The following SLC7A5 variants were observed in gnomAD, a reference collection of about 807,000 sequenced individuals.
The protein encoded by SLC7A5 is solute carrier family 7 member 5.
In SLC7A5, 23 loss-of-function variants were observed where a neutral mutation model predicts 50.2. The observed-to-expected ratio is 0.46, with a 90% confidence interval of 0.33 to 0.65. The LOEUF is 0.65. SLC7A5 is among the 30% of genes least tolerant of loss of function. SLC7A5 has a pLI of 0.02. For synonymous variants in SLC7A5, 393 were observed against 330.6 expected (o/e 1.19, Z -2.05); for missense variants, 578 against 684.4 (o/e 0.84, Z 1.73).
rs1597517546 is a variant in SLC7A5 at position 87,861,891 on chromosome 16, C to G, written c.538+6994G>C. Among the ~76,000 whole-genome samples, 1 of 152,226 alleles carries G rather than the reference C, an allele frequency of 6.6e-6. No individual in the cohort carries two copies. Among genetic ancestry groups the G allele is most frequent in the African/African-American group, 2.4e-5 (1 of 41,438 alleles). On this transcript the variant is annotated intron_variant, in intron 1 of 9. Coordinates refer to ENST00000261622, the MANE Select transcript of SLC7A5 (RefSeq NM_003486.7). The surrounding 1 kb of genome is among the most constrained non-coding windows in gnomAD (Gnocchi z 4.2). Reference sequence around the variant, plus strand: ...GCAGCGTGACCTGCCTAGGTGCCGGCGGCACTTTCATGTGCGGCTGGGAAA... The same window carrying G: ...GCAGCGTGACCTGCCTAGGTGCCGGGGGCACTTTCATGTGCGGCTGGGAAA...
In SLC7A5 at chr16:87,862,501, T is replaced by C. The variant is rs1256294237; in HGVS notation, c.538+6384A>G. ...TGCCGAGCGTGGGTGGGTGACATCATCTCGCACCCAGAGCTCCAGACTAAA... is the reference window on the plus strand; with the variant it reads ...TGCCGAGCGTGGGTGGGTGACATCACCTCGCACCCAGAGCTCCAGACTAAA... On this transcript the variant is annotated intron_variant, in intron 1 of 9. Coordinates refer to ENST00000261622, the MANE Select transcript of SLC7A5 (RefSeq NM_003486.7). This position sits in a 1 kb window ranked among gnomAD's most constrained non-coding sequence, Gnocchi z 5.3. Among the ~76,000 whole-genome samples, 2 of 152,222 alleles carry C rather than the reference T, an allele frequency of 1.3e-5. No homozygotes were observed. Among genetic ancestry groups the C allele is most frequent in the African/African-American group, 2.4e-5 (1 of 41,456 alleles).
chr16:87,843,187 A>T (rs2055103533), intron 2 of SLC7A5, among the ~76,000 whole-genome samples: 1 of 151,996 alleles, frequency 6.6e-6, no homozygotes, highest in Non-Finnish European at 1.5e-5. Context: ...TCCCCGCCAG[A>T]CACATCAATC....
intron 1 of SLC7A5, among the ~76,000 whole-genome samples, chr16:87,863,142 C>T (rs2055419856): frequency 6.6e-6 from 1 of 152,206 alleles, no homozygotes; most frequent in Non-Finnish European, 1.5e-5. Context: ...AACACCTATG[C>T]GCTTGGAGAA....
chr16:87,842,569 C>T (rs55694638), intron 2 of SLC7A5, among the ~76,000 whole-genome samples: 39,528 of 152,206 alleles, frequency 0.26, 6,228 homozygotes, highest in East Asian at 0.66. Flanking sequence ...TTTGCACCTG[C>T]TTCCCCGTGG....
intron 2 of SLC7A5, among the ~76,000 whole-genome samples, chr16:87,847,085 T>A (rs1484968161): frequency 1.3e-5 from 2 of 152,162 alleles, no homozygotes; most frequent in Non-Finnish European, 2.9e-5. Context: ...TGGGCTGAGC[T>A]CTGCTGGGAG....
intron 1 of SLC7A5, among the ~76,000 whole-genome samples, chr16:87,864,005 A>ATATATATATATATATATATATATATC (rs1287031017): frequency 7.0e-6 from 1 of 142,642 alleles, no homozygotes; most frequent in Non-Finnish European, 1.5e-5. Flanking sequence ...ATATATATAT[A>ATATATATATATATATATATATATATC]TATCAGCCGA....
intron 1 of SLC7A5, 76 bp from the exon 2 acceptor site, chr16:87,851,925 C>T: frequency 6.4e-7 from 1 of 1,560,436 alleles, no homozygotes; most frequent in Non-Finnish European, 8.8e-7. Flanking sequence ...GAGGTGACGA[C>T]CCCACCCCCA....
intron 2 of SLC7A5, among the ~76,000 whole-genome samples, chr16:87,844,334 C>T (rs1409365937): frequency 1.3e-5 from 2 of 152,184 alleles, no homozygotes; most frequent in African/African-American, 4.8e-5. Flanking sequence ...CCCCCGAGAG[C>T]GGGGTAATTG....
intron 1 of SLC7A5, among the ~76,000 whole-genome samples, chr16:87,864,355 G>A (rs879810334): frequency 6.6e-6 from 1 of 152,070 alleles, no homozygotes; most frequent in African/African-American, 2.4e-5. Context: ...GCTTTTCACT[G>A]CTCCAGGAGC....
chr16:87,841,218 T>C lies in SLC7A5; in HGVS notation c.665-63A>G. On this transcript the variant is annotated intron_variant, in intron 2 of 9. Coordinates refer to ENST00000261622, the MANE Select transcript of SLC7A5 (RefSeq NM_003486.7). The surrounding 1 kb of genome is among the most constrained non-coding windows in gnomAD (Gnocchi z 4.8). ...CGCTGAACAGAGGTCATGCTACCAG[T>C]TCTAGAATGTTCCTGGAGCAAAATA... 9.1e-7 allele frequency: 1 copy of C among 1,098,288 alleles called. No homozygotes were observed. Among genetic ancestry groups the C allele is most frequent in the Non-Finnish European group, 1.4e-6 (1 of 711,874 alleles). The allele number at this position is 1,098,288 out of a possible 1,614,324, so 68.0% of individuals were successfully genotyped here. A position where few individuals can be genotyped will look rare whatever the true frequency, so the allele number is the denominator to read the frequency against.
intron 2 of SLC7A5, 135 bp downstream of exon 2, chr16:87,851,589 A>G (rs1433568022): frequency 2.6e-6 from 3 of 1,148,174 alleles, no homozygotes; most frequent in Non-Finnish European, 3.7e-6. Flanking sequence ...ATTTTCCCAG[A>G]GGGAAATCTC....
intron 1 of SLC7A5, among the ~76,000 whole-genome samples, chr16:87,854,142 G>T (rs9630643): frequency 0.53 from 75,524 of 141,894 alleles, 21,453 homozygotes; most frequent in African/African-American, 0.78. Context: ...ACCAAAAACA[G>T]TCTGGAGGGG....
At chr16:87,850,744 T>A (rs546141292) in intron 2 of SLC7A5, among the ~76,000 whole-genome samples, 1 of 152,282 alleles carries the variant, frequency 6.6e-6, no homozygotes, top group East Asian at 1.9e-4. Flanking sequence ...TGGGATCCAG[T>A]GCCAAGGACA....
Position 87,858,283 on chromosome 16 carries a change from C to T in SLC7A5, c.539-6434G>A, listed in dbSNP as rs374220043. Among the ~76,000 whole-genome samples the T allele has an allele frequency of 4.1e-4, 62 of 152,254 alleles. 2 individuals carry two copies. The South Asian group carries it at 0.013, about 31-fold the overall frequency. On this transcript the variant is annotated intron_variant, in intron 1 of 9. Transcript: ENST00000261622. ...ACCTCGCGGACGTGTCTTACGGCGC[C>T]CCATGAAAGCATCACCATTAATCTG...
rs1287859591 is a variant in SLC7A5, at chr16:87,869,479, T to A, written c.-57A>T. 8.5e-7 allele frequency: 1 copy of A among 1,172,480 alleles called. No individual in the cohort carries two copies. The highest frequency in any genetic ancestry group is 1.1e-6 in the Non-Finnish European group (1 of 948,682). The allele number at this position is 1,172,480 out of a possible 1,614,324, so 72.6% of individuals were successfully genotyped here. On this transcript the variant is annotated 5_prime_UTR_variant, in exon 1 of 10. Transcript: ENST00000261622. ...GGGAGCCGCGGCCCAGCGAGCAGTG[T>A]GCGCGCCGCCCGCCGCCCGCAGCTG...
chr16:87,867,974 G>A lies in SLC7A5; in HGVS notation c.538+911C>T, dbSNP rs555440555. On this transcript the variant is annotated intron_variant, in intron 1 of 9. Coordinates refer to ENST00000261622, the MANE Select transcript of SLC7A5 (RefSeq NM_003486.7). ...ACTAAAAATACAAAAAAAATTACCC[G>A]GGCGTAGTGGCGGGCACCTGTAGTC... Among the ~76,000 whole-genome samples the A allele has an allele frequency of 2.0e-4, 30 of 152,038 alleles. 1 individual carries two copies. The Middle Eastern group carries it at 0.021, about 104-fold the overall frequency.
chr16:87,836,919 T>A (rs953391212), intron 7 of SLC7A5: 3 of 498,006 alleles, frequency 6.0e-6, no homozygotes, highest in Non-Finnish European at 7.4e-6. Flanking sequence ...GGAGACCACA[T>A]TTGGGTTAAG....
At chr16:87,866,102 GGCGGGGGT>G (rs1481671663) in intron 1 of SLC7A5, among the ~76,000 whole-genome samples, 1 of 152,256 alleles carries the variant, frequency 6.6e-6, no homozygotes, top group East Asian at 1.9e-4. Flanking sequence ...TCTATGGGGG[GGCGGGGGT>G]GCGGTGAGCA....
intron 2 of SLC7A5, among the ~76,000 whole-genome samples, chr16:87,842,255 CT>C (rs2055091011): frequency 6.6e-6 from 1 of 152,216 alleles, no homozygotes; most frequent in Non-Finnish European, 1.5e-5. Flanking sequence ...ATCCTTCCTG[CT>C]GGAAAGTCAC....
Sources: allele counts gnomAD v4.1 joint callset (sites outside exome capture counted in the v4.1 genomes callset), GRCh38; gene constraint gnomAD v4.1.1; non-coding constraint Gnocchi (gnomAD v3.1); transcripts MANE v1.5; gene names NCBI Gene and HGNC (gene_info 2026-07-23, HGNC 2026-07-21).